Variants in MAGI3 observed in about 807,000 individuals in gnomAD.
MAGI3 encodes membrane-associated guanylate kinase, WW and PDZ domain-containing protein 3.
MAGI3 carries 43 observed loss-of-function variants against 121.8 expected under a neutral mutation model. The observed-to-expected ratio is 0.35, with a 90% CI of 0.28 to 0.46. The LOEUF is 0.46. Ranked by LOEUF, MAGI3 falls within the 20% of genes least tolerant of loss-of-function variation. The probability of loss-of-function intolerance (pLI) is 1.00; values close to 1 mark genes in which losing one functional copy is unlikely to be tolerated. For synonymous variants in MAGI3, 553 were observed against 639.3 expected, an observed-to-expected ratio of 0.86 and a Z score of 2.04; for missense variants, 1,547 against 1,797.3, an observed-to-expected ratio of 0.86 and a Z score of 2.52.
At chr1:113,424,359 C>T (rs992686357) in intron 1 of MAGI3, among the ~76,000 whole-genome samples, 1 of 152,080 alleles carries the variant, frequency 6.6e-6, no homozygotes, top group South Asian at 2.1e-4. Flanking sequence ...AGTTCCATCA[C>T]CAAAAGCGTC....
chr1:113,683,474 A>T lies in MAGI3; in HGVS notation c.3906A>T (p.Ser1302=). 1 of 1,614,024 alleles carries T rather than the reference A, an allele frequency of 6.2e-7. No individual in the cohort carries two copies. The stretch of plus-strand genomic sequence containing the variant: ...AAATTGAAGGAAGCAAAGCTCCATC[A>T]AATGCTGAGGCCAAATTATTAGAGG... ...QQKIEGSKAP[S]NAEAKLLEGK... is the part of the protein sequence containing the mutation. Residue 1302 remains serine, a synonymous_variant, in exon 21 of 21, where the codon TCA becomes TCT. Transcript: ENST00000307546.
At chr1:113,488,830 T>A (rs1286447243) in intron 1 of MAGI3, among the ~76,000 whole-genome samples, 1 of 151,846 alleles carries the variant, frequency 6.6e-6, no homozygotes, top group African/African-American at 2.4e-5. Context: ...TCCCCAGCCC[T>A]GAGTGACAAC....
chr1:113,441,586 G>A (rs1653915972), intron 1 of MAGI3, among the ~76,000 whole-genome samples: 1 of 152,120 alleles, frequency 6.6e-6, no homozygotes, highest in Admixed American at 6.6e-5. Context: ...TACTTTGACT[G>A]CCAACCAATT....
rs570467447 is a variant in MAGI3 at position 113,466,427 on chromosome 1, T to C, written c.316+75078T>C. Among the ~76,000 whole-genome samples the C allele has an allele frequency of 4.3e-4, 66 of 152,224 alleles. No homozygotes were observed. In the Middle Eastern group the frequency reaches 0.017, roughly 39 times the overall value. On this transcript the variant is annotated intron_variant, in intron 1 of 20. Transcript: ENST00000307546. ...GGATTTTTGCATCTATGTTCATCAG[T>C]GATATTGGCCTGTAGTCTTCTTTTT... is the stretch of plus-strand genomic sequence containing the variant.
intron 2 of MAGI3, among the ~76,000 whole-genome samples, chr1:113,572,125 GGCCTTTTCT>G (rs1298589444): frequency 2.0e-5 from 3 of 152,082 alleles, no homozygotes; most frequent in Admixed American, 6.6e-5. Context: ...TATTATTGAA[GGCCTTTTCT>G]GCATCTATTG....
intron 1 of MAGI3, among the ~76,000 whole-genome samples, chr1:113,445,212 T>C (rs1442411065): frequency 6.6e-6 from 1 of 152,132 alleles, no homozygotes; most frequent in Non-Finnish European, 1.5e-5. Flanking sequence ...GCTGAAAACT[T>C]TTCAAAGCTG....
intron 1 of MAGI3, among the ~76,000 whole-genome samples, chr1:113,408,138 AGTTCCGTACTTCAAAG>A (rs1651789753): frequency 6.6e-6 from 1 of 152,166 alleles, no homozygotes; most frequent in Admixed American, 6.6e-5. Context: ...GAATGATTCA[AGTTCCGTACTTCAAAG>A]TAATTCAGCC....
intron 14 of MAGI3, among the ~76,000 whole-genome samples, chr1:113,651,918 A>G (rs560303681): frequency 6.6e-6 from 1 of 152,238 alleles, no homozygotes; most frequent in African/African-American, 2.4e-5. Context: ...GGAAAGTAGG[A>G]TGTTTCTACT....
chr1:113,575,362 G>A (rs577899657), intron 2 of MAGI3, among the ~76,000 whole-genome samples: 1 of 152,282 alleles, frequency 6.6e-6, no homozygotes, highest in South Asian at 2.1e-4. Context: ...ATGGCCTTTG[G>A]ATGGGGTTTT....
At chr1:113,558,641 A>G (rs1027975685) in intron 2 of MAGI3, among the ~76,000 whole-genome samples, 1 of 152,176 alleles carries the variant, frequency 6.6e-6, no homozygotes, top group African/African-American at 2.4e-5. Flanking sequence ...ATACTTCAGG[A>G]TATCATCAAA....
intron 1 of MAGI3, among the ~76,000 whole-genome samples, chr1:113,541,550 A>T (rs1385648933): frequency 6.6e-6 from 1 of 152,212 alleles, no homozygotes; most frequent in African/African-American, 2.4e-5. Context: ...AAATCCATTA[A>T]GTTCCTGCTT....
chr1:113,536,161 A>T (rs74114403), intron 1 of MAGI3, among the ~76,000 whole-genome samples: 19,793 of 149,758 alleles, frequency 0.13, 1,334 homozygotes, highest in East Asian at 0.18. Context: ...TTTTTTTTTA[A>T]AAAAATTTGA....
At chr1:113,461,678 C>T (rs573993875) in intron 1 of MAGI3, among the ~76,000 whole-genome samples, 5 of 152,246 alleles carry the variant, frequency 3.3e-5, no homozygotes, top group African/African-American at 1.2e-4. Context: ...GATTTTATGA[C>T]AAAGACACCA....
At chr1:113,579,071 G>T (rs947445640) in intron 2 of MAGI3, among the ~76,000 whole-genome samples, 1 of 152,126 alleles carries the variant, frequency 6.6e-6, no homozygotes, top group African/African-American at 2.4e-5. Flanking sequence ...AGAGCATATT[G>T]CCAGGCACTG....
At chr1:113,437,859 T>C (rs12037715) in intron 1 of MAGI3, among the ~76,000 whole-genome samples, 1,016 of 49,206 alleles carry the variant, frequency 0.021, 49 homozygotes, top group East Asian at 0.034. Flanking sequence ...TTCTTCTTCT[T>C]CTTCCTCTTC....
chr1:113,665,673 A>G (rs1338162616), intron 16 of MAGI3, among the ~76,000 whole-genome samples: 3 of 152,126 alleles, frequency 2.0e-5, no homozygotes, highest in East Asian at 3.8e-4. Flanking sequence ...TGTATTTCCA[A>G]TTATTCAGCT....
chr1:113,592,082 A>G (rs565869606), intron 5 of MAGI3, among the ~76,000 whole-genome samples: 8 of 152,260 alleles, frequency 5.3e-5, no homozygotes, highest in African/African-American at 1.7e-4. Flanking sequence ...ACAAAAATGG[A>G]CTACATCAAA....
At chr1:113,467,168 T>A (rs928058399) in intron 1 of MAGI3, among the ~76,000 whole-genome samples, 2 of 152,156 alleles carry the variant, frequency 1.3e-5, no homozygotes, top group East Asian at 1.9e-4. Flanking sequence ...CAAGAAATTT[T>A]AAAATTTTTT....
chr1:113,543,588 G>A (rs1401529262), intron 1 of MAGI3, among the ~76,000 whole-genome samples: 1 of 152,110 alleles, frequency 6.6e-6, no homozygotes, highest in African/African-American at 2.4e-5. Flanking sequence ...TTAAGGCCAG[G>A]CATGGTGGCT....
Sources: allele counts gnomAD v4.1 joint callset (sites outside exome capture counted in the v4.1 genomes callset), GRCh38; gene constraint gnomAD v4.1.1; transcripts MANE v1.5; gene names NCBI Gene and HGNC (gene_info 2026-07-23, HGNC 2026-07-21).